TRIM62: variants seen among roughly 807,000 people sequenced by gnomAD.
TRIM62 encodes E3 ubiquitin-protein ligase TRIM62.
TRIM62 carries 39 observed loss-of-function variants against 44.2 expected under a neutral mutation model. The ratio of observed to expected loss-of-function variants is 0.88; its 90% CI spans 0.68 to 1.15. The LOEUF (loss-of-function observed/expected upper bound fraction) is 1.15, where lower values mean the gene tolerates loss of function less well. Ranked by LOEUF, TRIM62 falls within the 50% of genes most tolerant of loss-of-function variation. The pLI is 0.00. For synonymous variants in TRIM62, 278 were observed against 292.3 expected (o/e 0.95, Z 0.50); for missense variants, 544 against 665.5 (o/e 0.82, Z 2.01).
intron 1 of TRIM62, among the ~76,000 whole-genome samples, chr1:33,170,996 A>C (rs552599727): frequency 1.4e-4 from 22 of 152,272 alleles, no homozygotes; most frequent in African/African-American, 5.1e-4. Flanking sequence ...TTGTGTCTTC[A>C]TCCCTCACTG....
intron 4 of TRIM62, among the ~76,000 whole-genome samples, chr1:33,155,814 TGGG>T (rs546059624): frequency 4.8e-4 from 73 of 152,294 alleles, no homozygotes; most frequent in African/African-American, 1.7e-3. Flanking sequence ...AATCTGCCCT[TGGG>T]GGGGATCTGT....
At chr1:33,169,272 C>T (rs1223128351) in intron 1 of TRIM62, among the ~76,000 whole-genome samples, 1 of 152,180 alleles carries the variant, frequency 6.6e-6, no homozygotes, top group Non-Finnish European at 1.5e-5. Context: ...CACCCCTCCC[C>T]TAACTCCATC....
chr1:33,165,448 C>T lies in TRIM62; in HGVS notation c.504+23G>A. On this transcript the variant is annotated intron_variant, in intron 2 of 4. Transcript: ENST00000291416. The surrounding 1 kb of genome is among the most constrained non-coding windows in gnomAD (Gnocchi z 4.0). Reference sequence around the variant, plus strand: ...CTGCCCTCATCTCTGCCGGCCCCACCTCCGCGCCCCGGCCAGGCTCACCTT... The same window carrying T: ...CTGCCCTCATCTCTGCCGGCCCCACTTCCGCGCCCCGGCCAGGCTCACCTT... 6.4e-7 allele frequency: 1 copy of T among 1,564,180 alleles called. No homozygotes were observed. The highest frequency in any genetic ancestry group is 8.7e-7 in the Non-Finnish European group (1 of 1,153,618).
chr1:33,165,607 C>T lies in TRIM62; in HGVS notation c.409-41G>A. ...GGCCGGGATGGGGGCAGGGGCCATG[C>T]CTGGCCCAGGCATTCAGCCCTGACC... On this transcript the variant is annotated intron_variant, in intron 1 of 4. Transcript: ENST00000291416. This position sits in a 1 kb window ranked among gnomAD's most constrained non-coding sequence, Gnocchi z 4.0. 6.5e-7 allele frequency: 1 copy of T among 1,544,776 alleles called. No individual in the cohort carries two copies. The highest frequency in any genetic ancestry group is 8.8e-7 in the Non-Finnish European group (1 of 1,138,208).
rs1645336553 is a variant in TRIM62, at chr1:33,167,205, C to T, written c.409-1639G>A. Among the ~76,000 whole-genome samples the T allele has an allele frequency of 6.6e-6, 1 of 152,232 alleles. No homozygotes were observed. The highest frequency in any genetic ancestry group is 1.5e-5 in the Non-Finnish European group (1 of 68,048). On this transcript the variant is annotated intron_variant, in intron 1 of 4. Coordinates refer to ENST00000291416, the MANE Select transcript of TRIM62 (RefSeq NM_018207.3). The surrounding 1 kb of genome is among the most constrained non-coding windows in gnomAD (Gnocchi z 4.2). The stretch of plus-strand genomic sequence containing the variant: ...CCTGACCGCCCCACGCACAGTGGCA[C>T]CTCCTCATACCCTGTCACACATCTG...
chr1:33,179,017 A>G (rs1181858682), intron 1 of TRIM62, among the ~76,000 whole-genome samples: 1 of 152,228 alleles, frequency 6.6e-6, no homozygotes, highest in Non-Finnish European at 1.5e-5. Context: ...TGTGCCCTAT[A>G]GCCCTGGCTC....
chr1:33,171,591 T>C (rs1645375101), intron 1 of TRIM62, among the ~76,000 whole-genome samples: 1 of 152,116 alleles, frequency 6.6e-6, no homozygotes, highest in African/African-American at 2.4e-5. Flanking sequence ...GCTCCAGGGG[T>C]GGGCCTATAC....
Position 33,159,768 on chromosome 1 carries a change from C to T in TRIM62, c.681G>A (p.Glu227=). The change falls in exon 3 of 5, where the codon GAG becomes GAA. Residue 227 remains glutamate, a synonymous_variant. Coordinates refer to ENST00000291416, the MANE Select transcript of TRIM62 (RefSeq NM_018207.3). This position sits in a 1 kb window ranked among gnomAD's most constrained non-coding sequence, Gnocchi z 4.2. Reference sequence around the variant, plus strand: ...GCCGCTCCTGCAGGATCTGGGCTCCCTCCTGGACCTTGCGCAGCTGCTGGC... The same window carrying T: ...GCCGCTCCTGCAGGATCTGGGCTCCTTCCTGGACCTTGCGCAGCTGCTGGC... ...RYSQQLRKVQ[E]GAQILQERLA... is the part of the protein sequence containing the mutation. 6.2e-7 allele frequency: 1 copy of T among 1,613,730 alleles called. No homozygotes were observed. The highest frequency in any genetic ancestry group is 1.3e-5 in the African/African-American group (1 of 75,068).
intron 1 of TRIM62, among the ~76,000 whole-genome samples, chr1:33,180,811 C>T (rs1645454204): frequency 6.6e-6 from 1 of 152,230 alleles, no homozygotes; most frequent in Non-Finnish European, 1.5e-5. Context: ...AGGGTCCGGA[C>T]TGCCCAAGGC....
At chr1:33,162,911 C>G (rs1390994245) in intron 2 of TRIM62, 1 of 152,336 alleles carries the variant, frequency 6.6e-6, no homozygotes, top group African/African-American at 2.4e-5. Flanking sequence ...CATTTTCTAG[C>G]TGTGGGACTT....
chr1:33,149,405 C>T (rs111809968), intron 4 of TRIM62, among the ~76,000 whole-genome samples: 2,524 of 151,750 alleles, frequency 0.017, 68 homozygotes, highest in African/African-American at 0.058. Flanking sequence ...CTGCCCACCT[C>T]GGCCTCCCAA....
At chr1:33,148,414 T>C (rs1357477588) in intron 4 of TRIM62, among the ~76,000 whole-genome samples, 1 of 152,240 alleles carries the variant, frequency 6.6e-6, no homozygotes, top group Non-Finnish European at 1.5e-5. Flanking sequence ...AGGCTGCATT[T>C]GTTTTGTTTG....
At chr1:33,160,354 G>C (rs1645247900) in intron 2 of TRIM62, among the ~76,000 whole-genome samples, 1 of 152,024 alleles carries the variant, frequency 6.6e-6, no homozygotes, top group Non-Finnish European at 1.5e-5. Flanking sequence ...AGGGGACAGG[G>C]TGAAGATGTT....
At chr1:33,169,647 G>C (rs1645357433) in intron 1 of TRIM62, among the ~76,000 whole-genome samples, 1 of 152,174 alleles carries the variant, frequency 6.6e-6, no homozygotes, top group Admixed American at 6.5e-5. Context: ...TTCTTCTCCA[G>C]TCCTAGCTCT....
At chr1:33,166,639 G>A (rs1645330083) in intron 1 of TRIM62, among the ~76,000 whole-genome samples, 1 of 152,168 alleles carries the variant, frequency 6.6e-6, no homozygotes, top group African/African-American at 2.4e-5. Context: ...ACATATAATG[G>A]TAAAGAAGGA....
Position 33,159,946 on chromosome 1 carries a change from T to G in TRIM62, c.505-2A>C, listed in dbSNP as rs775354166. ...GGTCCGCAGGCTCTTGGTGGAAGAC[T>G]GTGGGGGACAGTCGTCAGGGGTTAT... On this transcript the variant is annotated splice_acceptor_variant, in intron 2 of 4. Coordinates refer to ENST00000291416, the MANE Select transcript of TRIM62 (RefSeq NM_018207.3). LOFTEE classifies it high-confidence loss of function. The surrounding 1 kb of genome is among the most constrained non-coding windows in gnomAD (Gnocchi z 4.2). 6.2e-7 allele frequency: 1 copy of G among 1,600,734 alleles called. No homozygotes were observed. The highest frequency in any genetic ancestry group is 8.5e-7 in the Non-Finnish European group (1 of 1,178,286).
At chr1:33,157,875 G>C (rs1292488254) in intron 4 of TRIM62, among the ~76,000 whole-genome samples, 2 of 151,994 alleles carry the variant, frequency 1.3e-5, no homozygotes, top group Non-Finnish European at 2.9e-5. Flanking sequence ...TCCTGCCTCA[G>C]CCTCTCGAGT....
At chr1:33,168,119 G>C (rs1645344433) in intron 1 of TRIM62, among the ~76,000 whole-genome samples, 1 of 152,192 alleles carries the variant, frequency 6.6e-6, no homozygotes, top group South Asian at 2.1e-4. Flanking sequence ...TCTCTGAGGA[G>C]GTGACAGCAG....
rs781234162 is a variant in TRIM62, at chr1:33,181,161, C to CGCGCG, written c.267_271dup (p.Arg91ProfsTer51). 1.1e-5 allele frequency: 17 copies of CGCGCG among 1,598,174 alleles called. No individual in the cohort carries two copies. Among genetic ancestry groups the CGCGCG allele is most frequent in the African/African-American group, 9.4e-5 (7 of 74,762 alleles). On this transcript the variant is annotated frameshift_variant, in exon 1 of 5. Coordinates refer to ENST00000291416, the MANE Select transcript of TRIM62 (RefSeq NM_018207.3). LOFTEE classifies it high-confidence loss of function. This position sits in a 1 kb window ranked among gnomAD's most constrained non-coding sequence, Gnocchi z 6.5. ...GACCTTGTCGTGCGCCTGGCAGGGT[C>CGCGCG]GCGCGGCGCGGCGCGCGTTGAGGAT...
Sources: gnomAD v4.1 joint callset for allele counts (sites outside exome capture counted in the v4.1 genomes callset) on GRCh38, gnomAD v4.1.1 for gene constraint, Gnocchi (gnomAD v3.1) non-coding constraint, MANE v1.5 for transcripts, NCBI Gene and HGNC (gene_info 2026-07-23, HGNC 2026-07-21) for gene names.